CPAMD8: variants seen among roughly 807,000 people sequenced by gnomAD.
The protein encoded by CPAMD8 is C3 and PZP like alpha-2-macroglobulin domain containing 8.
Under a neutral mutation model 224.7 loss-of-function variants are expected in CPAMD8, and 146 were observed. The observed-to-expected ratio is 0.65, with a 90% CI of 0.57 to 0.75. The LOEUF is 0.75. Among genes scored for constraint, CPAMD8 ranks in the 30% least tolerant of loss-of-function variants. CPAMD8 has a pLI of 0.00. For synonymous variants in CPAMD8, 966 were observed against 1,044.6 expected (o/e 0.92, Z 1.45); for missense variants, 2,301 against 2,537.5 (o/e 0.91, Z 2.00).
chr19:16,911,459 T>A (rs948873978), intron 29 of CPAMD8, among the ~76,000 whole-genome samples: 10 of 152,084 alleles, frequency 6.6e-5, no homozygotes, highest in Non-Finnish European at 1.2e-4. Context: ...CCTCCCAGGT[T>A]CAAGCGATTC....
At position 16,999,051 on chromosome 19, in the gene CPAMD8, A is replaced by G. The variant is rs532668899; in HGVS notation, c.867+1363T>C. Among the ~76,000 whole-genome samples, 9 of 152,352 alleles carry G rather than the reference A, an allele frequency of 5.9e-5. No homozygotes were observed. In the South Asian group the frequency reaches 1.9e-3, roughly 32 times the overall value. On this transcript the variant is annotated intron_variant, in intron 10 of 41. Coordinates refer to ENST00000443236, the MANE Select transcript of CPAMD8 (RefSeq NM_015692.5). Reference sequence around the variant, plus strand: ...TACGATGTAGACAAACATCAAAAACATGATGCTGAGTGAGAGAAGCCAGAC... The same window carrying G: ...TACGATGTAGACAAACATCAAAAACGTGATGCTGAGTGAGAGAAGCCAGAC...
chr19:16,952,532 G>A (rs1355258923), intron 19 of CPAMD8, among the ~76,000 whole-genome samples: 1 of 152,162 alleles, frequency 6.6e-6, no homozygotes, highest in African/African-American at 2.4e-5. Context: ...TAAAAATTAG[G>A]TGGGTATAGT....
At chr19:16,893,709 C>G in intron 41 of CPAMD8, 2 of 207,754 alleles carry the variant, frequency 9.6e-6, no homozygotes, top group East Asian at 2.1e-4. Flanking sequence ...GTCCTCTGGG[C>G]ACGAGGACAT....
At chr19:17,022,738 A>G (rs1384392408) in intron 1 of CPAMD8, among the ~76,000 whole-genome samples, 1 of 151,908 alleles carries the variant, frequency 6.6e-6, no homozygotes, top group Non-Finnish European at 1.5e-5. Context: ...ACCTCAAATG[A>G]TCCACCCTCC....
rs533509332 is a variant in CPAMD8 at position 17,006,337 on chromosome 19, C to T, written c.560-1951G>A. On this transcript the variant is annotated intron_variant, in intron 7 of 41. Coordinates refer to ENST00000443236, the MANE Select transcript of CPAMD8 (RefSeq NM_015692.5). ...CTTAAGATCAAGTCAGCCTAGGCAACATCTTGAGACCCTGTCTCTACCAAA... is the reference window on the plus strand; with the variant it reads ...CTTAAGATCAAGTCAGCCTAGGCAATATCTTGAGACCCTGTCTCTACCAAA... 1.4e-4 allele frequency among the ~76,000 whole-genome samples: 21 copies of T among 152,176 alleles called. 1 individual carries two copies. In the South Asian group the frequency reaches 4.4e-3, roughly 32 times the overall value.
At chr19:17,019,583 C>T (rs542421046) in intron 3 of CPAMD8, among the ~76,000 whole-genome samples, 21 of 148,420 alleles carry the variant, frequency 1.4e-4, no homozygotes, top group Admixed American at 1.4e-3. Context: ...TTAAATAGGG[C>T]CTCACTCTGT....
At chr19:16,984,329 AAAG>A (rs1176465261) in intron 13 of CPAMD8, among the ~76,000 whole-genome samples, 1,632 of 141,544 alleles carry the variant, frequency 0.012, 24 homozygotes, top group African/African-American at 0.045. Flanking sequence ...AAAAAAAAAA[AAAG>A]AGAGAGAGAG....
chr19:16,972,401 T>G (rs2122655741), intron 17 of CPAMD8, among the ~76,000 whole-genome samples: 1 of 152,198 alleles, frequency 6.6e-6, no homozygotes, highest in South Asian at 2.1e-4. Flanking sequence ...GAAAGAAGAC[T>G]CACTGTAGCC....
In CPAMD8 at chr19:16,899,855, T is replaced by C. The variant is rs900678597; in HGVS notation, c.4774-306A>G. ...TGCCCGGCTGAGCCCTGCCGCCTGC[T>C]GGTGTCTCAGCTGCACTGTTCAAGT... On this transcript the variant is annotated intron_variant, in intron 36 of 41. Coordinates refer to ENST00000443236, the MANE Select transcript of CPAMD8 (RefSeq NM_015692.5). The surrounding 1 kb of genome is among the most constrained non-coding windows in gnomAD (Gnocchi z 5.4). 1.3e-5 allele frequency among the ~76,000 whole-genome samples: 2 copies of C among 151,344 alleles called. No individual in the cohort carries two copies. Among genetic ancestry groups the C allele is most frequent in the African/African-American group, 4.8e-5 (2 of 41,238 alleles).
At chr19:16,979,485 T>TC (rs2055424306) in intron 14 of CPAMD8, among the ~76,000 whole-genome samples, 1 of 122,002 alleles carries the variant, frequency 8.2e-6, no homozygotes, top group South Asian at 2.6e-4. Flanking sequence ...CATCCATCCA[T>TC]CCTTCTGTCC....
rs60716273 is a variant in CPAMD8 at position 16,929,436 on chromosome 19, A to G, written c.2846-196T>C. On this transcript the variant is annotated intron_variant, in intron 23 of 41. Transcript: ENST00000443236. ...AAGATAAAATGGGACTGGGCAGAGT[A>G]GCTGACACCTGTAATCCCAGCACTT... Among the ~76,000 whole-genome samples the G allele has an allele frequency of 0.05, 7,600 of 152,298 alleles. 640 individuals are homozygous for G. Among genetic ancestry groups the G allele is most frequent in the African/African-American group, 0.17 (7,245 of 41,542 alleles).
chr19:17,013,836 G>GA (rs919013683), intron 3 of CPAMD8, among the ~76,000 whole-genome samples: 88 of 142,886 alleles, frequency 6.2e-4, no homozygotes, highest in East Asian at 1.2e-3. Context: ...ACAGATGGGA[G>GA]AAAAAAAAAA....
At chr19:16,906,399 T>TTCC (rs1568459809) in intron 30 of CPAMD8, among the ~76,000 whole-genome samples, 186 of 88,640 alleles carry the variant, frequency 2.1e-3, no homozygotes, top group Middle Eastern at 5.2e-3. Context: ...TCTTTCTTTC[T>TTCC]TTCTTTCTTT....
intron 32 of CPAMD8, 67 bp from the exon 33 acceptor site, chr19:16,903,924 G>T: frequency 2.0e-6 from 3 of 1,497,608 alleles, no homozygotes; most frequent in Non-Finnish European, 2.8e-6. Context: ...CCTGAACCCC[G>T]TCTTGGAAGC....
intron 41 of CPAMD8, chr19:16,894,737 G>A (rs2051892156): frequency 6.7e-6 from 2 of 296,342 alleles, no homozygotes; most frequent in South Asian, 3.0e-5. Flanking sequence ...ACACTACCCA[G>A]CAATACAAAA....
At chr19:16,912,496 C>T (rs546775348) in intron 29 of CPAMD8, among the ~76,000 whole-genome samples, 1 of 152,324 alleles carries the variant, frequency 6.6e-6, no homozygotes, top group East Asian at 1.9e-4. Context: ...TGCCTGTAAT[C>T]CCAGTACTTT....
chr19:16,980,827 C>A (rs2055487307), intron 13 of CPAMD8, 141 bp from the exon 14 acceptor site: 1 of 550,552 alleles, frequency 1.8e-6, no homozygotes, highest in Non-Finnish European at 3.1e-6. Flanking sequence ...TGGCCCCTAG[C>A]TTTTTTGTTT....
At chr19:16,925,872 GCCT>G (rs1418663736) in intron 25 of CPAMD8, among the ~76,000 whole-genome samples, 1 of 151,894 alleles carries the variant, frequency 6.6e-6, no homozygotes, top group Non-Finnish European at 1.5e-5. Context: ...TCCTGCCTCA[GCCT>G]CCTGAGTAGC....
intron 1 of CPAMD8, among the ~76,000 whole-genome samples, chr19:17,023,312 C>T (rs2057005140): frequency 6.6e-6 from 1 of 152,102 alleles, no homozygotes; most frequent in South Asian, 2.1e-4. Flanking sequence ...CTTAGGGGAC[C>T]TGACCTGAGG....
Sources: gnomAD v4.1 joint callset for allele counts (sites outside exome capture counted in the v4.1 genomes callset) on GRCh38, gnomAD v4.1.1 for gene constraint, Gnocchi (gnomAD v3.1) non-coding constraint, MANE v1.5 for transcripts, NCBI Gene and HGNC (gene_info 2026-07-23, HGNC 2026-07-21) for gene names.